PABIR3: variants seen among roughly 807,000 people sequenced by gnomAD.
PABIR3 encodes the protein PABIR family member 1.
Under a neutral mutation model 23.1 loss-of-function variants are expected in PABIR3, and 20 were observed. That is an observed-to-expected ratio of 0.86 (90% CI 0.61 to 1.26). The LOEUF (loss-of-function observed/expected upper bound fraction) is 1.26. Among genes scored for constraint, PABIR3 ranks in the 50% most tolerant of loss-of-function variants. The pLI, the probability that PABIR3 is intolerant of heterozygous loss-of-function variation, is 0.00. For synonymous variants in PABIR3, 69 were observed against 68.5 expected, an observed-to-expected ratio of 1.01 and a Z score of -0.04; for missense variants, 189 against 195.4, an observed-to-expected ratio of 0.97 and a Z score of 0.20.
At chrX:134,825,397 A>G (rs1464349891) in intron 3 of PABIR3, among the ~76,000 whole-genome samples, 2 of 112,145 alleles carry the variant, frequency 1.8e-5, no homozygotes, top group Non-Finnish European at 3.8e-5. Flanking sequence ...TACATGTATT[A>G]TCACCATTAT....
chrX:134,856,732 C>T (rs1445817690), downstream of PABIR3, among the ~76,000 whole-genome samples: 1 of 110,499 alleles, frequency 9.0e-6, no homozygotes, highest in Non-Finnish European at 1.9e-5. Flanking sequence ...GTAAGGCGGC[C>T]GGGCACAGTG....
intron 4 of PABIR3, chrX:134,834,050 G>A (rs1317361085): frequency 6.3e-5 from 7 of 111,896 alleles, no homozygotes; most frequent in African/African-American, 2.3e-4. Flanking sequence ...GGATTTCTGG[G>A]TCAAATGATA....
intron 3 of PABIR3, among the ~76,000 whole-genome samples, chrX:134,820,537 T>C (rs1241955442): frequency 9.0e-6 from 1 of 110,804 alleles, no homozygotes; most frequent in Non-Finnish European, 1.9e-5. Context: ...GGTACAGTTT[T>C]GCAAGGGTAC....
At chrX:134,843,387 C>T (rs1020764324) in intron 4 of PABIR3, among the ~76,000 whole-genome samples, 14 of 105,194 alleles carry the variant, frequency 1.3e-4, no homozygotes, top group Non-Finnish European at 2.5e-4. Context: ...TAATTCATTT[C>T]GAGTGAATTT....
upstream of PABIR3, chrX:134,804,296 C>T: frequency 1.0e-6 from 1 of 997,943 alleles, no homozygotes; most frequent in Non-Finnish European, 1.4e-6. Context: ...AAAACAATTT[C>T]TTTAATGTTG....
intron 3 of PABIR3, among the ~76,000 whole-genome samples, chrX:134,819,219 G>A (rs1296192536): frequency 2.7e-5 from 3 of 111,030 alleles, no homozygotes; most frequent in African/African-American, 3.3e-5. Context: ...ACAGGCATAA[G>A]CCACTGTGCC....
chrX:134,820,335 T>C (rs1416338977), intron 3 of PABIR3, among the ~76,000 whole-genome samples: 1 of 112,083 alleles, frequency 8.9e-6, no homozygotes, highest in Admixed American at 9.5e-5. Flanking sequence ...AATAGAAACA[T>C]TATTCTTGAA....
downstream of PABIR3, among the ~76,000 whole-genome samples, chrX:134,856,969 G>A (rs750893280): frequency 3.6e-5 from 4 of 111,009 alleles, no homozygotes; most frequent in South Asian, 7.6e-4. Context: ...CCGAGATCAC[G>A]CCACTGCACT....
rs200680935 is a variant in PABIR3, at chrX:134,854,235, A to G, written c.*18A>G. The G allele has an allele frequency of 8.4e-6, 10 of 1,196,343 alleles. No homozygotes were observed. The Middle Eastern group carries it at 9.2e-4, about 110-fold the overall frequency. On this transcript the variant is annotated 3_prime_UTR_variant, in exon 11 of 11. Transcript: ENST00000645433. The stretch of plus-strand genomic sequence containing the variant: ...TGTTCTAGTAGACAAACTTTCAACT[A>G]AATGATTCACCCATCCCAAGACTTT...
intron 1 of PABIR3, chrX:134,799,664 A>T (rs1569440597): frequency 8.9e-6 from 1 of 112,398 alleles, no homozygotes; most frequent in Non-Finnish European, 1.9e-5. Context: ...AAAATTTGTC[A>T]TACAAGATCC....
upstream of PABIR3, among the ~76,000 whole-genome samples, chrX:134,803,356 T>C (rs972436551): frequency 7.1e-5 from 8 of 112,198 alleles, no homozygotes; most frequent in African/African-American, 2.3e-4. Context: ...TTCTTACTTA[T>C]CTTATCAGGA....
intron 1 of PABIR3, among the ~76,000 whole-genome samples, chrX:134,800,282 C>T (rs1481477908): frequency 2.0e-5 from 2 of 100,651 alleles, no homozygotes; most frequent in Admixed American, 2.1e-4. Flanking sequence ...GCCTGGGCAA[C>T]AGAGCAAGAC....
intron 9 of PABIR3, among the ~76,000 whole-genome samples, chrX:134,850,331 T>C (rs2082588177): frequency 9.0e-6 from 1 of 111,604 alleles, no homozygotes; most frequent in South Asian, 3.7e-4. Context: ...TTGTATATTT[T>C]CGATTAATTA....
chrX:134,838,808 C>T (rs1166338464), intron 4 of PABIR3: 1 of 108,075 alleles, frequency 9.3e-6, no homozygotes, highest in Non-Finnish European at 1.9e-5. Context: ...ATTCTCCTGC[C>T]TCAGCCTGCC....
At chrX:134,807,178 T>C (rs2080284705), upstream of PABIR3, 1 of 790,540 alleles carries the variant, frequency 1.3e-6, no homozygotes, top group Non-Finnish European at 1.5e-6. Flanking sequence ...TGATAGCTTA[T>C]CGCAGGCTCT....
downstream of PABIR3, among the ~76,000 whole-genome samples, chrX:134,856,665 G>A (rs989189239): frequency 1.8e-5 from 2 of 111,619 alleles, no homozygotes; most frequent in African/African-American, 6.5e-5. Flanking sequence ...TTGATTTTAA[G>A]ACCAAAATGA....
chrX:134,839,553 G>A (rs1273293613), intron 4 of PABIR3: 2 of 115,699 alleles, frequency 1.7e-5, no homozygotes, highest in East Asian at 2.9e-4. Flanking sequence ...CACCCCGTCC[G>A]GGAGGGAGGT....
At chrX:134,838,248 G>T (rs1288751693) in intron 4 of PABIR3, among the ~76,000 whole-genome samples, 1 of 111,366 alleles carries the variant, frequency 9.0e-6, no homozygotes, top group Non-Finnish European at 1.9e-5. Flanking sequence ...CTAGATTACT[G>T]AAATAATATC....
chrX:134,848,541 C>T (rs2082515362), intron 8 of PABIR3, among the ~76,000 whole-genome samples: 1 of 112,247 alleles, frequency 8.9e-6, no homozygotes, highest in Non-Finnish European at 1.9e-5. Flanking sequence ...TCAGAGCTAT[C>T]TCTAGAACTT....
Sources: gnomAD v4.1 joint callset for allele counts (sites outside exome capture counted in the v4.1 genomes callset) on GRCh38, gnomAD v4.1.1 for gene constraint, MANE v1.5 for transcripts, NCBI Gene and HGNC (gene_info 2026-07-23, HGNC 2026-07-21) for gene names.